SPHKAP: variants seen among roughly 807,000 people sequenced by gnomAD.
SPHKAP encodes A-kinase anchor protein SPHKAP.
SPHKAP carries 67 observed loss-of-function variants against 137.5 expected under a neutral mutation model. That is an observed-to-expected ratio of 0.49 (90% CI 0.40 to 0.60). The LOEUF (loss-of-function observed/expected upper bound fraction) is 0.60. SPHKAP is among the 20% of genes least tolerant of loss of function. The probability of loss-of-function intolerance (pLI) is 0.00; values close to 1 mark genes in which losing one functional copy is unlikely to be tolerated. For missense variants in SPHKAP, 2,097 were observed against 2,069.3 expected (o/e 1.01, Z -0.26); for synonymous variants, 813 against 785.3 (o/e 1.04, Z -0.59).
chr2:228,142,687 G>A (rs936568300), intron 1 of SPHKAP, among the ~76,000 whole-genome samples: 1 of 152,158 alleles, frequency 6.6e-6, no homozygotes, highest in Non-Finnish European at 1.5e-5. Flanking sequence ...AACACACACT[G>A]GGGCGTTTTG....
At chr2:228,011,478 T>A (rs1483776518) in intron 7 of SPHKAP, among the ~76,000 whole-genome samples, 1 of 152,236 alleles carries the variant, frequency 6.6e-6, no homozygotes, top group Admixed American at 6.5e-5. Flanking sequence ...TTTCAAATTC[T>A]TTCCTTTTTT....
rs148411913 is a variant in SPHKAP at position 228,021,909 on chromosome 2, T to C, written c.499A>G (p.Ser167Gly). The C allele has an allele frequency of 1.0e-4, 163 of 1,613,960 alleles. No individual in the cohort carries two copies. The highest frequency in any genetic ancestry group is 1.0e-4 in the Non-Finnish European group (118 of 1,179,968). ...ATTTCAAAGATGATGCAGTTGGTACTGTTTGGTCTGTTCCCTCTTGCACAT... is the reference window on the plus strand; with the variant it reads ...ATTTCAAAGATGATGCAGTTGGTACCGTTTGGTCTGTTCCCTCTTGCACAT... ...VQCARGNRPN[S>G]TNCIIFEINK... Residue 167 changes from serine to glycine, a missense_variant, in exon 6 of 12, where the codon AGT (serine) becomes GGT (glycine). By Grantham distance (56) the Ser-to-Gly change is moderately conservative. Coordinates refer to ENST00000392056, the MANE Select transcript of SPHKAP (RefSeq NM_001142644.2).
intron 3 of SPHKAP, among the ~76,000 whole-genome samples, chr2:228,063,162 A>G (rs1330649059): frequency 5.8e-4 from 83 of 144,106 alleles, no homozygotes; most frequent in African/African-American, 2.1e-3. Context: ...CTATCTATCT[A>G]TCTATCTATC....
At chr2:228,081,876 A>G (rs943453563) in intron 3 of SPHKAP, among the ~76,000 whole-genome samples, 1 of 152,188 alleles carries the variant, frequency 6.6e-6, no homozygotes, top group African/African-American at 2.4e-5. Flanking sequence ...TCTATTGTAG[A>G]AGATGATGAC....
In SPHKAP at chr2:228,095,667, A is replaced by AAAG. The variant is rs535927251; in HGVS notation, c.246+13162_246+13164dup. ...TTAATTTTTTTTTAATTTGGTAGTA[A>AAAG]AAGAAGGGACATAGTGGCAGTTTGA... is the stretch of plus-strand genomic sequence containing the variant. On this transcript the variant is annotated intron_variant, in intron 3 of 11. Transcript: ENST00000392056. Among the ~76,000 whole-genome samples the AAAG allele has an allele frequency of 6.0e-3, 916 of 152,264 alleles. 15 individuals carry two copies. The highest frequency in any genetic ancestry group is 0.021 in the African/African-American group (859 of 41,548).
chr2:228,047,985 AGTCCATT>A (rs1696125478), intron 3 of SPHKAP, among the ~76,000 whole-genome samples: 1 of 152,198 alleles, frequency 6.6e-6, no homozygotes, highest in Non-Finnish European at 1.5e-5. Flanking sequence ...GTAGGTGAAG[AGTCCATT>A]GTCTTGATAA....
chr2:228,069,977 G>C (rs537429740), intron 3 of SPHKAP, among the ~76,000 whole-genome samples: 1 of 152,146 alleles, frequency 6.6e-6, no homozygotes, highest in Non-Finnish European at 1.5e-5. Flanking sequence ...CACGTGATTG[G>C]GCAAGCTTAG....
intron 1 of SPHKAP, among the ~76,000 whole-genome samples, chr2:228,158,322 C>CTTTAT (rs1360178566): frequency 1.0e-5 from 1 of 97,750 alleles, no homozygotes; most frequent in African/African-American, 4.4e-5. Context: ...TAATTTACTT[C>CTTTAT]TTTCTTTTTT....
intron 5 of SPHKAP, among the ~76,000 whole-genome samples, chr2:228,024,855 T>G (rs1487817811): frequency 6.6e-6 from 1 of 152,164 alleles, no homozygotes; most frequent in Admixed American, 6.6e-5. Flanking sequence ...GGAATGATAA[T>G]AGTAGTATTT....
At chr2:228,048,280 A>G (rs1043038103) in intron 3 of SPHKAP, among the ~76,000 whole-genome samples, 6 of 149,538 alleles carry the variant, frequency 4.0e-5, no homozygotes, top group African/African-American at 1.5e-4. Context: ...ACATAGAAAA[A>G]TAAATCATTC....
At chr2:228,142,401 G>A (rs771776451) in intron 1 of SPHKAP, among the ~76,000 whole-genome samples, 47 of 152,102 alleles carry the variant, frequency 3.1e-4, no homozygotes, top group Admixed American at 1.6e-3. Flanking sequence ...GAACCTAGGA[G>A]GCAGAGCTTG....
At chr2:228,149,633 C>T (rs914013647) in intron 1 of SPHKAP, among the ~76,000 whole-genome samples, 1 of 152,202 alleles carries the variant, frequency 6.6e-6, no homozygotes, top group Non-Finnish European at 1.5e-5. Context: ...TTATAATTCT[C>T]TCTGGAAAGG....
intron 8 of SPHKAP, chr2:227,994,043 A>C: frequency 1.0e-6 from 1 of 985,324 alleles, no homozygotes. Flanking sequence ...GGCTGGCAGG[A>C]ACCAGTTTTG....
chr2:228,135,013 G>A (rs1299305464), intron 1 of SPHKAP, among the ~76,000 whole-genome samples: 3 of 152,124 alleles, frequency 2.0e-5, no homozygotes, highest in Admixed American at 1.3e-4. Flanking sequence ...AGTGGCTCAC[G>A]CCTGTAATCC....
chr2:228,127,411 A>C (rs993281955), intron 2 of SPHKAP, among the ~76,000 whole-genome samples: 3 of 152,204 alleles, frequency 2.0e-5, no homozygotes, highest in African/African-American at 7.2e-5. Context: ...ACATTGGTGA[A>C]CTACTCTTTT....
At chr2:228,124,064 C>T (rs973560162) in intron 2 of SPHKAP, among the ~76,000 whole-genome samples, 1 of 151,468 alleles carries the variant, frequency 6.6e-6, no homozygotes, top group African/African-American at 2.4e-5. Context: ...GAATGGCAAT[C>T]ATTAAAAAGT....
At chr2:228,106,095 G>C (rs747908294) in intron 3 of SPHKAP, among the ~76,000 whole-genome samples, 2 of 152,106 alleles carry the variant, frequency 1.3e-5, no homozygotes, top group African/African-American at 2.4e-5. Flanking sequence ...CTGAAGAAAT[G>C]ACTATAACTC....
intron 3 of SPHKAP, among the ~76,000 whole-genome samples, chr2:228,067,653 T>C (rs570603307): frequency 6.6e-6 from 1 of 152,340 alleles, no homozygotes; most frequent in African/African-American, 2.4e-5. Context: ...CTTTTTTATA[T>C]TGAGCAGGTA....
chr2:228,042,415 C>T (rs990178030), intron 3 of SPHKAP, among the ~76,000 whole-genome samples: 27 of 151,966 alleles, frequency 1.8e-4, no homozygotes, highest in African/African-American at 4.3e-4. Context: ...TACCATATGA[C>T]GTATCCATTT....
Sources: gnomAD v4.1 joint callset for allele counts (sites outside exome capture counted in the v4.1 genomes callset) on GRCh38, gnomAD v4.1.1 for gene constraint, MANE v1.5 for transcripts, NCBI Gene and HGNC (gene_info 2026-07-23, HGNC 2026-07-21) for gene names.